AK2: variants seen among roughly 807,000 people sequenced by gnomAD.
The protein encoded by AK2 is adenylate kinase 2, mitochondrial.
A neutral mutation model predicts 24.6 loss-of-function variants in AK2; 15 were observed. The observed-to-expected ratio is 0.61, with a 90% CI of 0.41 to 0.94. AK2 has a LOEUF of 0.94. Ranked by LOEUF, AK2 falls within the 40% of genes least tolerant of loss-of-function variation. AK2 has a pLI of 0.00. For missense variants in AK2, 257 were observed against 304.1 expected (o/e 0.85, Z 1.15); for synonymous variants, 102 against 114.0 (o/e 0.90, Z 0.67).
intron 1 of AK2, among the ~76,000 whole-genome samples, chr1:33,033,014 T>C (rs2124385885): frequency 6.6e-6 from 1 of 152,028 alleles, no homozygotes; most frequent in Non-Finnish European, 1.5e-5. Flanking sequence ...ATACAAAAAA[T>C]TAGCCGGGTG....
chr1:33,020,731 G>A (rs1334816430), intron 4 of AK2, among the ~76,000 whole-genome samples: 1 of 152,084 alleles, frequency 6.6e-6, no homozygotes, highest in African/African-American at 2.4e-5. Flanking sequence ...TGTAGTCCGA[G>A]TTACTCGGGA....
chr1:33,009,604 AC>A lies in AK2; in HGVS notation c.*3576del. ...CCATTAAGGCCAAGAAGGTGGCATA[AC>A]CAACTTCCTTTTTCAGCTGAGGAAA... is the stretch of plus-strand genomic sequence containing the variant. On this transcript the variant is annotated 3_prime_UTR_variant, in exon 6 of 6. Transcript: ENST00000672715. 2.2e-6 allele frequency: 1 copy of A among 454,150 alleles called. No homozygotes were observed. The highest frequency in any genetic ancestry group is 4.4e-6 in the Non-Finnish European group (1 of 226,796). The allele number at this position is 454,150 out of a possible 1,614,324, so 28.1% of individuals were successfully genotyped here. A position where few individuals can be genotyped will look rare whatever the true frequency, so the allele number is the denominator to read the frequency against.
Position 33,013,002 on chromosome 1 carries a change from A to AACACACAT in AK2, c.*171_*178dup. ...TGTGCATGCACACACACACACACAC[A>AACACACAT]ACACACATACACACAGATGAGAGTA... On this transcript the variant is annotated 3_prime_UTR_variant, in exon 6 of 6. Transcript: ENST00000672715. 2 of 1,590,482 alleles carry AACACACAT rather than the reference A, an allele frequency of 1.3e-6. No individual in the cohort carries two copies. Among genetic ancestry groups the AACACACAT allele is most frequent in the Non-Finnish European group, 1.7e-6 (2 of 1,174,626 alleles).
intron 1 of AK2, chr1:33,029,389 G>A (rs1489656172): frequency 1.3e-5 from 2 of 150,188 alleles, no homozygotes; most frequent in African/African-American, 4.9e-5. Context: ...CTCCTGGGAG[G>A]TCACCATATT....
At chr1:33,026,239 C>A (rs1569686753) in intron 1 of AK2, among the ~76,000 whole-genome samples, 2 of 152,236 alleles carry the variant, frequency 1.3e-5, no homozygotes, top group Admixed American at 1.3e-4. Flanking sequence ...CACTCTATCA[C>A]CCAGGCTGGA....
chr1:33,021,392 G>C lies in AK2; in HGVS notation c.400C>G (p.Leu134Val). ...CTTCCTGTGATTCTTCGGATCAGCA[G>C]AGAGTCTGGGATGCTGAATTCAATC... ...SVIEFSIPDS[L>V]LIRRITGRLI... Residue 134 changes from leucine (L) to valine (V), a missense_variant, in exon 4 of 6, where the codon CTG becomes GTG. Coordinates refer to ENST00000672715, the MANE Select transcript of AK2 (RefSeq NM_001625.4). The C allele has an allele frequency of 6.2e-7, 1 of 1,613,934 alleles. No individual in the cohort carries two copies. The highest frequency in any genetic ancestry group is 8.5e-7 in the Non-Finnish European group (1 of 1,179,838).
chr1:33,033,489 C>G (rs954355541), intron 1 of AK2, among the ~76,000 whole-genome samples: 1 of 152,050 alleles, frequency 6.6e-6, no homozygotes, highest in Admixed American at 6.6e-5. Context: ...GGCAACTGAG[C>G]AAGACTTTGT....
intron 1 of AK2, among the ~76,000 whole-genome samples, chr1:33,032,948 G>A (rs1640333797): frequency 6.6e-6 from 1 of 152,088 alleles, no homozygotes; most frequent in African/African-American, 2.4e-5. Flanking sequence ...CGGATCATGA[G>A]GTCAGGAGAT....
At position 33,010,868 on chromosome 1, in the gene AK2, G is replaced by C. The variant is rs751863812; in HGVS notation, c.*2313C>G. ...AGAGGAAACAAGAGAGAACAAAATG[G>C]GTTTTTAAAAACCAAGTACATATCA... On this transcript the variant is annotated 3_prime_UTR_variant, in exon 6 of 6. Transcript: ENST00000672715. 6.2e-7 allele frequency: 1 copy of C among 1,613,948 alleles called. No individual in the cohort carries two copies. The highest frequency in any genetic ancestry group is 1.1e-5 in the South Asian group (1 of 91,050).
rs778500774 is a variant in AK2 at position 33,008,656 on chromosome 1, C to T, written c.*4525G>A. ...CCTCTTATGCATGACCTCAGGAATG[C>T]CACTTCACCTCTCTGAGTCTGGTTT... is the stretch of plus-strand genomic sequence containing the variant. On this transcript the variant is annotated 3_prime_UTR_variant, in exon 6 of 6. Coordinates refer to ENST00000672715, the MANE Select transcript of AK2 (RefSeq NM_001625.4). 5 of 454,096 alleles carry T rather than the reference C, an allele frequency of 1.1e-5. No homozygotes were observed. The highest frequency in any genetic ancestry group is 7.8e-5 in the South Asian group (5 of 64,472). 28.1% of individuals were successfully genotyped at this position (454,096 alleles called of 1,614,324 possible).
At chr1:33,032,006 G>A in intron 1 of AK2, 2 of 211,332 alleles carry the variant, frequency 9.5e-6, no homozygotes, top group Non-Finnish European at 9.9e-6. Flanking sequence ...TTAAAAGTGA[G>A]GAGTTTTAAA....
At chr1:33,027,431 C>T (rs902449530) in intron 1 of AK2, among the ~76,000 whole-genome samples, 2 of 152,138 alleles carry the variant, frequency 1.3e-5, no homozygotes, top group African/African-American at 4.8e-5. Flanking sequence ...TGAAAGAACA[C>T]ACACCAATAG....
rs554049240 is a variant in AK2, at chr1:33,025,293, C to T, written c.94-726G>A. ...TGTATATAATGCACTTGGTACAACA[C>T]CTGGCACATAACATGTGCTGAATAA... On this transcript the variant is annotated intron_variant, in intron 1 of 5. Transcript: ENST00000672715. 4.0e-5 allele frequency among the ~76,000 whole-genome samples: 6 copies of T among 151,668 alleles called. No individual in the cohort carries two copies. The South Asian group carries it at 8.3e-4, about 21-fold the overall frequency.
intron 1 of AK2, among the ~76,000 whole-genome samples, chr1:33,025,218 A>G (rs1639807253): frequency 3.3e-5 from 5 of 152,012 alleles, no homozygotes; most frequent in Admixed American, 3.3e-4. Context: ...AAAGAGAATA[A>G]AAATAGTACC....
At position 33,012,114 on chromosome 1, in the gene AK2, A is replaced by G; in HGVS notation, c.*1067T>C. On this transcript the variant is annotated 3_prime_UTR_variant, in exon 6 of 6. Coordinates refer to ENST00000672715, the MANE Select transcript of AK2 (RefSeq NM_001625.4). ...GGGAAGTAGATTTGACTGCTCTCAG[A>G]TGATCAGCCTGGATGTTCAGAAGAC... is the stretch of plus-strand genomic sequence containing the variant. The G allele has an allele frequency of 6.5e-7, 1 of 1,535,458 alleles. No individual in the cohort carries two copies. Among genetic ancestry groups the G allele is most frequent in the Admixed American group, 2.0e-5 (1 of 50,996 alleles).
intron 4 of AK2, chr1:33,020,188 AACACACACAC>A (rs56098182): frequency 0.043 from 37,227 of 867,234 alleles, 783 homozygotes; most frequent in African/African-American, 0.16. Context: ...AACATGTTAA[AACACACACAC>A]ACACACACAC....
At position 33,026,429 on chromosome 1, in the gene AK2, T is replaced by C. The variant is rs112015350; in HGVS notation, c.94-1862A>G. Among the ~76,000 whole-genome samples the C allele has an allele frequency of 7.9e-5, 12 of 152,356 alleles. 2 individuals are homozygous for C. Among genetic ancestry groups the C allele is most frequent in the African/African-American group, 2.4e-4 (10 of 41,580 alleles). ...GTGCACACAATAAAAGGTACATAGA[T>C]AGGGCTGGTTTGTGATTCATGGACC... is the stretch of plus-strand genomic sequence containing the variant. On this transcript the variant is annotated intron_variant, in intron 1 of 5. Coordinates refer to ENST00000672715, the MANE Select transcript of AK2 (RefSeq NM_001625.4).
chr1:33,028,008 T>C (rs571014284), intron 1 of AK2, among the ~76,000 whole-genome samples: 7 of 152,294 alleles, frequency 4.6e-5, no homozygotes, highest in Admixed American at 3.9e-4. Context: ...ATAAATGAAA[T>C]AAAGTACCAA....
At chr1:33,032,300 CA>C (rs1640286871) in intron 1 of AK2, 1 of 152,300 alleles carries the variant, frequency 6.6e-6, no homozygotes, top group South Asian at 2.1e-4. Flanking sequence ...CACACAACTG[CA>C]AGTGACTGCT....
Sources: allele counts gnomAD v4.1 joint callset (sites outside exome capture counted in the v4.1 genomes callset), GRCh38; gene constraint gnomAD v4.1.1; transcripts MANE v1.5; gene names NCBI Gene and HGNC (gene_info 2026-07-23, HGNC 2026-07-21).